Variants in UGGT1 observed in about 807,000 individuals in gnomAD.
UGGT1 encodes the protein UDP-glucose:glycoprotein glucosyltransferase 1.
A neutral mutation model predicts 203.9 loss-of-function variants in UGGT1; 107 were observed. The ratio of observed to expected loss-of-function variants is 0.52; its 90% CI spans 0.45 to 0.62. UGGT1 has a LOEUF of 0.62. UGGT1 is among the 20% of genes least tolerant of loss of function. UGGT1 has a pLI of 0.00. For missense variants in UGGT1, 1,673 were observed against 1,867.2 expected (o/e 0.90, Z 1.92); for synonymous variants, 628 against 653.5 (o/e 0.96, Z 0.59).
rs185012318 is a variant in UGGT1 at position 128,140,914 on chromosome 2, C to T, written c.1719+2062C>T. 2.1e-3 allele frequency among the ~76,000 whole-genome samples: 319 copies of T among 152,218 alleles called. 2 individuals are homozygous for T. Among genetic ancestry groups the T allele is most frequent in the African/African-American group, 7.4e-3 (307 of 41,560 alleles). ...TGTTTCCCAGGCTGGTCTCGAACTACTGAGCTTAAACAATCTTACTGCCTT... is the reference window on the plus strand; with the variant it reads ...TGTTTCCCAGGCTGGTCTCGAACTATTGAGCTTAAACAATCTTACTGCCTT... On this transcript the variant is annotated intron_variant, in intron 16 of 40. Coordinates refer to ENST00000259253, the MANE Select transcript of UGGT1 (RefSeq NM_020120.4).
chr2:128,172,606 T>G lies in UGGT1; in HGVS notation c.3138T>G (p.Ser1046=). The change falls in exon 29 of 41, where the codon TCT becomes TCG. Residue 1046 remains serine (S), a synonymous_variant. Transcript: ENST00000259253. ...GTTATGTCTTAGAACCAGAGATTTC[T>G]TTCACTTCAGACAATAGTTTTGCTA... ...FYRYVLEPEI[S]FTSDNSFAKG... 6.2e-7 allele frequency: 1 copy of G among 1,614,158 alleles called. No individual in the cohort carries two copies. Among genetic ancestry groups the G allele is most frequent in the Non-Finnish European group, 8.5e-7 (1 of 1,180,024 alleles).
intron 8 of UGGT1, among the ~76,000 whole-genome samples, chr2:128,119,051 C>T (rs544859476): frequency 2.3e-4 from 35 of 152,088 alleles, no homozygotes; most frequent in Non-Finnish European, 4.4e-4. Context: ...TGTCAGATTT[C>T]AATTTTGGAA....
At chr2:128,142,617 A>C (rs1261601239) in intron 16 of UGGT1, among the ~76,000 whole-genome samples, 3 of 150,556 alleles carry the variant, frequency 2.0e-5, no homozygotes, top group African/African-American at 7.3e-5. Context: ...TTTAATTTCC[A>C]ACCTAGGAAG....
intron 18 of UGGT1, among the ~76,000 whole-genome samples, chr2:128,150,982 C>T (rs1380166087): frequency 6.6e-6 from 1 of 152,034 alleles, no homozygotes; most frequent in East Asian, 1.9e-4. Flanking sequence ...TCCTGAGTAG[C>T]TGAGATTACA....
intron 3 of UGGT1, among the ~76,000 whole-genome samples, chr2:128,104,645 T>A (rs567995043): frequency 3.8e-4 from 58 of 152,352 alleles, no homozygotes; most frequent in Non-Finnish European, 6.0e-4. Flanking sequence ...TATTATTATT[T>A]TTTTTTAATT....
Position 128,157,272 on chromosome 2 carries a change from G to A in UGGT1, c.2281G>A (p.Val761Ile). ...EIYDDSFIRP[V>I]TFWIVGDFDS... is the part of the protein sequence containing the mutation. ...TACAGATGATTCTTTTATTAGGCCA[G>A]TAACTTTTTGGATTGTTGGGGATTT... is the stretch of plus-strand genomic sequence containing the variant. Residue 761 changes from valine (V) to isoleucine (I), a missense_variant, in exon 22 of 41, where the codon GTA (valine) becomes ATA (isoleucine). Around this residue, in one of 4 missense-constraint regions of UGGT1, gnomAD observed 1,073 missense variants for 1,078.7 expected, o/e 0.99. Transcript: ENST00000259253. 6.2e-7 allele frequency: 1 copy of A among 1,614,064 alleles called. No homozygotes were observed. The highest frequency in any genetic ancestry group is 8.5e-7 in the Non-Finnish European group (1 of 1,179,952).
chr2:128,121,405 C>A, intron 10 of UGGT1, 107 bp downstream of exon 10: 9 of 452,132 alleles, frequency 2.0e-5, no homozygotes, highest in Non-Finnish European at 2.5e-5. Context: ...AATTAAGATT[C>A]TTTTTTTTTT....
intron 3 of UGGT1, 37 bp from the exon 4 acceptor site, chr2:128,107,901 A>C (rs779591973): frequency 6.8e-6 from 11 of 1,613,142 alleles, no homozygotes; most frequent in Non-Finnish European, 9.3e-6. Context: ...ATCTCTAGTC[A>C]TACGCAATTA....
intron 2 of UGGT1, among the ~76,000 whole-genome samples, chr2:128,098,884 C>G (rs1435890727): frequency 1.3e-5 from 2 of 151,810 alleles, no homozygotes; most frequent in Non-Finnish European, 1.5e-5. Flanking sequence ...TGCTTTTTAG[C>G]TAGTGTTTGT....
intron 26 of UGGT1, among the ~76,000 whole-genome samples, chr2:128,165,481 T>G (rs1690742310): frequency 6.6e-6 from 1 of 152,176 alleles, no homozygotes; most frequent in South Asian, 2.1e-4. Flanking sequence ...GCGGATCACC[T>G]GAGGTCAGGA....
At chr2:128,137,865 A>G (rs1180104096) in intron 15 of UGGT1, among the ~76,000 whole-genome samples, 2 of 152,054 alleles carry the variant, frequency 1.3e-5, no homozygotes, top group Non-Finnish European at 2.9e-5. Flanking sequence ...TTGCCAGCCC[A>G]TCTATAGATA....
chr2:128,182,763 T>A (rs1691765168), intron 37 of UGGT1, among the ~76,000 whole-genome samples: 1 of 151,766 alleles, frequency 6.6e-6, no homozygotes, highest in Non-Finnish European at 1.5e-5. Flanking sequence ...TCCTACTCAG[T>A]TCCTGTTCTC....
In UGGT1 at chr2:128,159,615, A is replaced by C. The variant is rs771547096; in HGVS notation, c.2457A>C (p.Gln819His). The change falls in exon 23 of 41, where the codon CAA becomes CAC. Residue 819 changes from glutamine to histidine, a missense_variant. Gln to His is a conservative substitution (Grantham distance 24). Coordinates refer to ENST00000259253, the MANE Select transcript of UGGT1 (RefSeq NM_020120.4). ...CCAGAGCAATCTGGGCAGCTCTCCA[A>C]ACTCAGACTTCCAACGCTGCTAAGA... is the stretch of plus-strand genomic sequence containing the variant. ...QISRAIWAALQTQTSNAAKNF... is the reference protein window; with the variant it reads ...QISRAIWAALHTQTSNAAKNF... 25 of 1,614,044 alleles carry C rather than the reference A, an allele frequency of 1.5e-5. No individual in the cohort carries two copies. In the Admixed American group the frequency reaches 4.0e-4, roughly 26 times the overall value.
chr2:128,150,806 C>T (rs1689924142), intron 18 of UGGT1, among the ~76,000 whole-genome samples: 1 of 151,924 alleles, frequency 6.6e-6, no homozygotes, highest in African/African-American at 2.4e-5. Flanking sequence ...TCAAGGGTCA[C>T]CATCTCCTCA....
intron 13 of UGGT1, among the ~76,000 whole-genome samples, chr2:128,129,591 G>C (rs547699257): frequency 6.6e-6 from 1 of 151,850 alleles, no homozygotes; most frequent in Non-Finnish European, 1.5e-5. Flanking sequence ...TATAGACGGG[G>C]TTTCACAATA....
chr2:128,152,000 C>A (rs1016083887), intron 18 of UGGT1, among the ~76,000 whole-genome samples: 1 of 152,164 alleles, frequency 6.6e-6, no homozygotes, highest in Non-Finnish European at 1.5e-5. Context: ...AGAAGTATAA[C>A]TATTTCTGTA....
At chr2:128,128,269 CAAAAG>C (rs1344648660) in intron 12 of UGGT1, among the ~76,000 whole-genome samples, 1 of 150,918 alleles carries the variant, frequency 6.6e-6, no homozygotes, top group East Asian at 1.9e-4. Flanking sequence ...GATGGAGTCT[CAAAAG>C]AAATTTTTTT....
chr2:128,134,605 A>G (rs1418327014), intron 14 of UGGT1, among the ~76,000 whole-genome samples: 1 of 152,188 alleles, frequency 6.6e-6, no homozygotes, highest in Admixed American at 6.5e-5. Flanking sequence ...CTTGGTTTTC[A>G]TTTGGTGTAG....
chr2:128,174,217 C>T (rs1573617483), intron 30 of UGGT1, among the ~76,000 whole-genome samples: 1 of 152,078 alleles, frequency 6.6e-6, no homozygotes, highest in East Asian at 1.9e-4. Flanking sequence ...TTTGGAAGTG[C>T]AACACTTATT....
Sources: allele counts gnomAD v4.1 joint callset (sites outside exome capture counted in the v4.1 genomes callset), GRCh38; gene constraint gnomAD v4.1.1; regional missense constraint gnomAD v4.1.1; transcripts MANE v1.5; gene names NCBI Gene and HGNC (gene_info 2026-07-23, HGNC 2026-07-21).